Variants in ULK4 observed in about 807,000 individuals in gnomAD.
The protein encoded by ULK4 is unc-51 like kinase 4, also known as inactive serine/threonine-protein kinase ULK4.
A neutral mutation model predicts 160.6 loss-of-function variants in ULK4; 133 were observed. That is an observed-to-expected ratio of 0.83 (90% CI 0.72 to 0.96). ULK4 has a LOEUF of 0.96. Ranked by LOEUF, ULK4 falls within the 40% of genes least tolerant of loss-of-function variation. ULK4 has a pLI of 0.00. For missense variants in ULK4, 1,580 were observed against 1,499.5 expected (o/e 1.05, Z -0.89); for synonymous variants, 534 against 539.8 (o/e 0.99, Z 0.15).
chr3:41,396,378 C>A (rs2082062429), intron 35 of ULK4, among the ~76,000 whole-genome samples: 1 of 151,924 alleles, frequency 6.6e-6, no homozygotes. Flanking sequence ...GACTGTAGAT[C>A]CCTACAAAAT....
At chr3:41,592,992 C>G (rs1245018782) in intron 31 of ULK4, among the ~76,000 whole-genome samples, 2 of 152,174 alleles carry the variant, frequency 1.3e-5, no homozygotes, top group African/African-American at 2.4e-5. Flanking sequence ...CTCACCTTCA[C>G]CAAGTTCCTC....
intron 34 of ULK4, among the ~76,000 whole-genome samples, chr3:41,443,758 A>ATG (rs2083226367): frequency 2.9e-5 from 1 of 34,282 alleles, no homozygotes; most frequent in African/African-American, 2.0e-4. Context: ...TTTTCAATAA[A>ATG]TATATTTTTC....
At chr3:41,563,435 T>A (rs2087673515) in intron 32 of ULK4, among the ~76,000 whole-genome samples, 1 of 152,226 alleles carries the variant, frequency 6.6e-6, no homozygotes, top group South Asian at 2.1e-4. Flanking sequence ...TTCTCCTGGA[T>A]AATATCCTGA....
chr3:41,564,449 CTTTTTTTTTTTTTTTTT>C (rs71075476), intron 32 of ULK4, among the ~76,000 whole-genome samples: 95 of 80,972 alleles, frequency 1.2e-3, no homozygotes, highest in African/African-American at 4.0e-3. Flanking sequence ...TCTTCTTCTT[CTTTTTTTTTTTTTTTTT>C]TTTTTTTTTG....
At chr3:41,617,112 C>G (rs558182285) in intron 30 of ULK4, among the ~76,000 whole-genome samples, 120 of 152,334 alleles carry the variant, frequency 7.9e-4, no homozygotes, top group African/African-American at 2.5e-3. Flanking sequence ...CAGGGGCTTA[C>G]AGACAAAACC....
In ULK4 at chr3:41,794,660, C is replaced by CAAAAAAAAAAAAAAAAAAAAAAAAAAAAA. The variant is rs71075484; in HGVS notation, c.2011-4818_2011-4817insTTTTTTTTTTTTTTTTTTTTTTTTTTTTT. On this transcript the variant is annotated intron_variant, in intron 20 of 36. Transcript: ENST00000301831. ...TGGGTGACAGAGCAAGACTCTGTCT[C>CAAAAAAAAAAAAAAAAAAAAAAAAAAAAA]AAAAAAAAAAAAAAAAAAAAAAAAA... Among the ~76,000 whole-genome samples, 16 of 18,986 alleles carry CAAAAAAAAAAAAAAAAAAAAAAAAAAAAA rather than the reference C, an allele frequency of 8.4e-4. 2 individuals carry two copies. The highest frequency in any genetic ancestry group is 2.6e-3 in the Admixed American group (2 of 778). The allele number at this position is 18,986 out of a possible 152,430, so 12.5% of individuals were successfully genotyped here. A position where few individuals can be genotyped will look rare whatever the true frequency, so the allele number is the denominator to read the frequency against.
At chr3:41,474,059 T>C (rs575494527) in intron 32 of ULK4, among the ~76,000 whole-genome samples, 1 of 152,128 alleles carries the variant, frequency 6.6e-6, no homozygotes, top group South Asian at 2.1e-4. Context: ...CAAGGCAATA[T>C]TGAACAAAAA....
At chr3:41,804,915 G>C (rs577955038) in intron 19 of ULK4, among the ~76,000 whole-genome samples, 1 of 152,020 alleles carries the variant, frequency 6.6e-6, no homozygotes, top group Non-Finnish European at 1.5e-5. Flanking sequence ...GTCAGGTAGC[G>C]TGATGCCTCC....
intron 22 of ULK4, among the ~76,000 whole-genome samples, chr3:41,718,129 A>T (rs761898619): frequency 6.6e-6 from 1 of 152,214 alleles, no homozygotes; most frequent in African/African-American, 2.4e-5. Context: ...TCTCCAGGTG[A>T]TAAATGAAAG....
chr3:41,387,259 T>C (rs1199645125), intron 35 of ULK4, among the ~76,000 whole-genome samples: 1 of 152,202 alleles, frequency 6.6e-6, no homozygotes, highest in Admixed American at 6.6e-5. Context: ...TCTCTAGCTC[T>C]AGCTACCTAC....
intron 34 of ULK4, among the ~76,000 whole-genome samples, chr3:41,415,030 C>T (rs568641357): frequency 6.6e-6 from 1 of 152,338 alleles, no homozygotes; most frequent in South Asian, 2.1e-4. Context: ...TAGGTAAGCT[C>T]AACCTTGCCT....
chr3:41,826,110 G>C (rs1038957607), intron 18 of ULK4, among the ~76,000 whole-genome samples: 1 of 152,098 alleles, frequency 6.6e-6, no homozygotes, highest in Non-Finnish European at 1.5e-5. Flanking sequence ...AACAAATTTT[G>C]ACAGATTTTG....
chr3:41,458,819 G>A (rs1397775319), intron 33 of ULK4, among the ~76,000 whole-genome samples: 5 of 152,114 alleles, frequency 3.3e-5, no homozygotes, highest in Non-Finnish European at 5.9e-5. Flanking sequence ...GCAGTGGCAC[G>A]ATCTCGGCTT....
chr3:41,332,221 A>G (rs2080458977), intron 35 of ULK4, among the ~76,000 whole-genome samples: 1 of 152,102 alleles, frequency 6.6e-6, no homozygotes, highest in Non-Finnish European at 1.5e-5. Flanking sequence ...AAAAAAAACA[A>G]AAAACAAACC....
chr3:41,540,960 T>C (rs2086675723), intron 32 of ULK4, among the ~76,000 whole-genome samples: 1 of 152,158 alleles, frequency 6.6e-6, no homozygotes, highest in South Asian at 2.1e-4. Context: ...AGTGCAAAAA[T>C]TTTCTCCCAT....
chr3:41,341,742 G>A (rs528141673), intron 35 of ULK4, among the ~76,000 whole-genome samples: 13 of 152,256 alleles, frequency 8.5e-5, no homozygotes, highest in Non-Finnish European at 5.9e-5. Context: ...CTCCAAACCA[G>A]AAAGCCCTGC....
At chr3:41,720,270 G>A (rs933706363) in intron 22 of ULK4, among the ~76,000 whole-genome samples, 3 of 152,098 alleles carry the variant, frequency 2.0e-5, no homozygotes, top group Non-Finnish European at 2.9e-5. Context: ...ATACATATTA[G>A]CTGAATAAGT....
intron 30 of ULK4, among the ~76,000 whole-genome samples, chr3:41,644,813 C>G (rs1333539465): frequency 1.3e-5 from 2 of 151,986 alleles, no homozygotes; most frequent in Non-Finnish European, 2.9e-5. Context: ...GCTGTGAATC[C>G]ATCTGGTCCT....
intron 17 of ULK4, among the ~76,000 whole-genome samples, chr3:41,854,454 T>C (rs899684758): frequency 6.6e-6 from 1 of 152,138 alleles, no homozygotes; most frequent in Non-Finnish European, 1.5e-5. Context: ...GCAGCCCTTA[T>C]CTGCACAGAC....
Sources: allele counts gnomAD v4.1 joint callset (sites outside exome capture counted in the v4.1 genomes callset), GRCh38; gene constraint gnomAD v4.1.1; transcripts MANE v1.5; gene names NCBI Gene and HGNC (gene_info 2026-07-23, HGNC 2026-07-21).